ZNF536: variants seen among roughly 807,000 people sequenced by gnomAD.
ZNF536 encodes zinc finger protein 536.
Under a neutral mutation model 84.5 loss-of-function variants are expected in ZNF536, and 13 were observed. That is an observed-to-expected ratio of 0.15 (90% CI 0.10 to 0.24). The LOEUF (loss-of-function observed/expected upper bound fraction) is 0.24. ZNF536 is among the 10% of genes least tolerant of loss of function. The pLI is 1.00. For missense variants in ZNF536, 1,536 were observed against 1,747.5 expected, an observed-to-expected ratio of 0.88 and a Z score of 2.16; for synonymous variants, 811 against 742.5, an observed-to-expected ratio of 1.09 and a Z score of -1.50.
In ZNF536 at chr19:30,549,065, T is replaced by A; in HGVS notation, c.3446T>A (p.Ile1149Asn). The change falls in exon 4 of 5, where the codon ATC becomes AAC. Residue 1149 changes from isoleucine to asparagine, a missense_variant. Physicochemically the swap from Ile to Asn is moderately radical, Grantham distance 149 (BLOSUM62 -3). Coordinates refer to ENST00000355537, the MANE Select transcript of ZNF536 (RefSeq NM_014717.3). Reference sequence around the variant, plus strand: ...TCTGAAGAGGATGTCCCCATCCTGATCCCCGAAACCACGAGTAAGAACACT... The same window carrying A: ...TCTGAAGAGGATGTCCCCATCCTGAACCCCGAAACCACGAGTAAGAACACT... Reference protein sequence around the residue: ...AHSEEDVPILIPETTSKNTTD... With the variant: ...AHSEEDVPILNPETTSKNTTD... The A allele has an allele frequency of 1.2e-6, 2 of 1,614,094 alleles. No homozygotes were observed. The highest frequency in any genetic ancestry group is 1.7e-6 in the Non-Finnish European group (2 of 1,180,012).
At chr19:30,694,704 A>G (rs1185031753) in intron 1 of ZNF536, among the ~76,000 whole-genome samples, 3 of 151,938 alleles carry the variant, frequency 2.0e-5, no homozygotes, top group Non-Finnish European at 2.9e-5. Flanking sequence ...GTGTTGGGGG[A>G]AAAAAATATG....
chr19:30,437,890 TCAGGCTGGGG>T (rs1167314889), intron 1 of ZNF536, among the ~76,000 whole-genome samples: 2 of 152,228 alleles, frequency 1.3e-5, no homozygotes, highest in Non-Finnish European at 2.9e-5. Flanking sequence ...CTTATAGGTT[TCAGGCTGGGG>T]CAATGAACTG....
At chr19:30,411,419 T>C (rs1273470271) in intron 1 of ZNF536, among the ~76,000 whole-genome samples, 1 of 152,206 alleles carries the variant, frequency 6.6e-6, no homozygotes, top group Non-Finnish European at 1.5e-5. Flanking sequence ...TATACAACTT[T>C]ATATGGCTTC....
At chr19:30,663,885 A>G (rs950937730) in intron 1 of ZNF536, among the ~76,000 whole-genome samples, 1 of 152,220 alleles carries the variant, frequency 6.6e-6, no homozygotes, top group African/African-American at 2.4e-5. Context: ...TTCCATATGA[A>G]AAGCAACTTA....
At chr19:30,398,640 T>C (rs1353823489) in intron 1 of ZNF536, among the ~76,000 whole-genome samples, 1 of 152,126 alleles carries the variant, frequency 6.6e-6, no homozygotes, top group Non-Finnish European at 1.5e-5. Context: ...ACATGCGGTG[T>C]TTGGTTTTCT....
At chr19:30,574,406 T>C (rs2046657065) in intron 1 of ZNF536, among the ~76,000 whole-genome samples, 1 of 152,242 alleles carries the variant, frequency 6.6e-6, no homozygotes, top group Admixed American at 6.5e-5. Context: ...CACTGCCTCC[T>C]GCTGCTGAGC....
At chr19:30,617,040 T>C (rs2048320392) in intron 1 of ZNF536, among the ~76,000 whole-genome samples, 3 of 152,198 alleles carry the variant, frequency 2.0e-5, no homozygotes, top group African/African-American at 4.8e-5. Flanking sequence ...AAATTGAAGA[T>C]ACTTGGTTCC....
At chr19:30,231,631 T>C (rs2023051161) in intron 1 of ZNF536, among the ~76,000 whole-genome samples, 1 of 152,142 alleles carries the variant, frequency 6.6e-6, no homozygotes, top group Admixed American at 6.5e-5. Context: ...AGGGAGGCCT[T>C]TTGCCAAGGA....
chr19:30,394,890 T>C (rs2049750619), intron 1 of ZNF536, among the ~76,000 whole-genome samples: 2 of 152,188 alleles, frequency 1.3e-5, no homozygotes, highest in Admixed American at 6.5e-5. Context: ...CATCATGCCA[T>C]GTGAAGGGTT....
intron 2 of ZNF536, among the ~76,000 whole-genome samples, chr19:30,489,264 C>A (rs1390619224): frequency 6.6e-6 from 1 of 152,172 alleles, no homozygotes; most frequent in African/African-American, 2.4e-5. Context: ...AACAATCATG[C>A]ATTGAAGAAT....
At position 30,600,503 on chromosome 19, in the gene ZNF536, AATGT is replaced by A. The variant is rs2047647149; in HGVS notation, c.169+50992_169+50995del. Reference sequence around the variant, plus strand: ...GCCCCCACAGGCTGACCGTTTCATGAATGTATCTATATGGTTCCAGGGTTCCAGG... The same window carrying A: ...GCCCCCACAGGCTGACCGTTTCATGAATCTATATGGTTCCAGGGTTCCAGG... On this transcript the variant is annotated intron_variant, in intron 1 of 1. Transcript: ENST00000592773. Among the ~76,000 whole-genome samples, 5 of 152,334 alleles carry A rather than the reference AATGT, an allele frequency of 3.3e-5. No homozygotes were observed. The South Asian group carries it at 1.0e-3, about 32-fold the overall frequency.
intron 1 of ZNF536, among the ~76,000 whole-genome samples, chr19:30,373,114 TTGTC>T (rs1350695008): frequency 6.6e-6 from 1 of 152,188 alleles, no homozygotes; most frequent in Non-Finnish European, 1.5e-5. Flanking sequence ...AGAAATCAAA[TTGTC>T]TGGCGATTTG....
rs1422852597 is a variant in ZNF536 at position 30,557,333 on chromosome 19, C to T, written c.*169C>T. On this transcript the variant is annotated 3_prime_UTR_variant, in exon 5 of 5. Coordinates refer to ENST00000355537, the MANE Select transcript of ZNF536 (RefSeq NM_014717.3). ...ATGTGTATACACACGGTGCACCAATCTACAGTATATATAGCAGAGAATCAG... is the reference window on the plus strand; with the variant it reads ...ATGTGTATACACACGGTGCACCAATTTACAGTATATATAGCAGAGAATCAG... 7 of 687,156 alleles carry T rather than the reference C, an allele frequency of 1.0e-5. No individual in the cohort carries two copies. In the Admixed American group the frequency reaches 1.2e-4, roughly 12 times the overall value. 42.6% of individuals were successfully genotyped at this position (687,156 alleles called of 1,614,324 possible).
chr19:30,570,166 G>T (rs2046493700), intron 1 of ZNF536, among the ~76,000 whole-genome samples: 1 of 152,192 alleles, frequency 6.6e-6, no homozygotes, highest in Non-Finnish European at 1.5e-5. Flanking sequence ...GAAACTCCGA[G>T]TTGGACTCAT....
chr19:30,344,794 T>C (rs2047688926), intron 2 of ZNF536, among the ~76,000 whole-genome samples: 1 of 152,104 alleles, frequency 6.6e-6, no homozygotes, highest in Non-Finnish European at 1.5e-5. Flanking sequence ...AAGTCAAGGC[T>C]AGGGAAGAGA....
At chr19:30,309,153 C>G (rs938229492) in intron 2 of ZNF536, among the ~76,000 whole-genome samples, 1 of 152,182 alleles carries the variant, frequency 6.6e-6, no homozygotes, top group Non-Finnish European at 1.5e-5. Context: ...TGCAGAGACT[C>G]AAGAGGTCGC....
At chr19:30,428,181 C>A (rs1248929589) in intron 1 of ZNF536, among the ~76,000 whole-genome samples, 1 of 152,202 alleles carries the variant, frequency 6.6e-6, no homozygotes, top group Non-Finnish European at 1.5e-5. Context: ...GAACAGGTGA[C>A]TGTGAGCAGG....
rs530622506 is a variant in ZNF536, at chr19:30,405,681, G to A, written c.-3+33125G>A. On this transcript the variant is annotated intron_variant, in intron 1 of 4. Transcript: ENST00000355537. ...ATTTTCAGAACCGGTGTGATCAGTC[G>A]CCACACCCGAATCGTTTTCCACCTT... 1.2e-4 allele frequency among the ~76,000 whole-genome samples: 18 copies of A among 152,186 alleles called. 1 individual carries two copies. In the South Asian group the frequency reaches 2.9e-3, roughly 25 times the overall value.
chr19:30,366,963 GGCA>G (rs1322795113), intron 3 of ZNF536, among the ~76,000 whole-genome samples: 6 of 152,356 alleles, frequency 3.9e-5, no homozygotes, highest in African/African-American at 1.4e-4. Context: ...CCATGGAGAT[GGCA>G]GCACCTGGAC....
Sources: gnomAD v4.1 joint callset for allele counts (sites outside exome capture counted in the v4.1 genomes callset) on GRCh38, gnomAD v4.1.1 for gene constraint, MANE v1.5 for transcripts, NCBI Gene and HGNC (gene_info 2026-07-23, HGNC 2026-07-21) for gene names.